Variants in DIS3L2 observed in about 807,000 individuals in gnomAD.
DIS3L2 encodes DIS3-like exonuclease 2.
Under a neutral mutation model 97.5 loss-of-function variants are expected in DIS3L2, and 34 were observed. The observed-to-expected ratio is 0.35, with a 90% CI of 0.27 to 0.46. The LOEUF (loss-of-function observed/expected upper bound fraction) is 0.46, where lower values mean the gene tolerates loss of function less well. DIS3L2 is among the 20% of genes least tolerant of loss of function. The pLI, the probability that DIS3L2 is intolerant of heterozygous loss-of-function variation, is 1.00. For synonymous variants in DIS3L2, 435 were observed against 445.2 expected (o/e 0.98, Z 0.29); for missense variants, 1,038 against 1,146.0 (o/e 0.91, Z 1.36).
chr2:232,146,256 C>T (rs181873399), intron 8 of DIS3L2, among the ~76,000 whole-genome samples: 1 of 152,102 alleles, frequency 6.6e-6, no homozygotes, highest in Non-Finnish European at 1.5e-5. Flanking sequence ...ATGATGCCAA[C>T]AGTACTAAGA....
chr2:232,095,355 C>A (rs1201106051), intron 6 of DIS3L2, among the ~76,000 whole-genome samples: 4 of 152,112 alleles, frequency 2.6e-5, no homozygotes, highest in African/African-American at 9.7e-5. Flanking sequence ...ATCAGTATTA[C>A]AGATGCTATC....
At position 232,249,319 on chromosome 2, in the gene DIS3L2, G is replaced by C. The variant is rs762018625; in HGVS notation, c.1398G>C (p.Val466=). ...NPMSDKLTFS[V]IWTLTPEGKI... is the part of the protein sequence containing the mutation. The stretch of plus-strand genomic sequence containing the variant: ...TGTCCGACAAGCTGACCTTCTCTGT[G>C]ATCTGGACACTGACTCCAGAGGGCA... The change falls in exon 12 of 21, where the codon GTG becomes GTC. Residue 466 remains valine (V), a synonymous_variant. Coordinates refer to ENST00000325385, the MANE Select transcript of DIS3L2 (RefSeq NM_152383.5). The C allele has an allele frequency of 5.0e-6, 8 of 1,614,224 alleles. No homozygotes were observed. The Admixed American group carries it at 1.0e-4, about 20-fold the overall frequency.
intron 8 of DIS3L2, among the ~76,000 whole-genome samples, chr2:232,157,289 G>A (rs989458777): frequency 6.6e-6 from 1 of 152,108 alleles, no homozygotes; most frequent in Admixed American, 6.5e-5. Flanking sequence ...ATATTGAAAG[G>A]CCTGACTCCT....
At chr2:231,981,598 T>TTATATATATATATATATATATATA (rs10669283) in intron 1 of DIS3L2, among the ~76,000 whole-genome samples, 2 of 84,056 alleles carry the variant, frequency 2.4e-5, no homozygotes, top group Non-Finnish European at 4.6e-5. Flanking sequence ...GTTAAGTATT[T>TTATATATATATATATATATATATA]TATATATATA....
chr2:232,342,777 G>A (rs961931356), intron 13 of DIS3L2, among the ~76,000 whole-genome samples: 1 of 152,202 alleles, frequency 6.6e-6, no homozygotes, highest in Admixed American at 6.5e-5. Flanking sequence ...GCTCATGTGT[G>A]AGCCCAGGCT....
At chr2:232,329,788 C>CAT in intron 14 of DIS3L2, 25 bp from the exon 15 acceptor site, 1 of 1,080,634 alleles carries the variant, frequency 9.3e-7, no homozygotes, top group Non-Finnish European at 1.3e-6. Context: ...CCAGCGGTCC[C>CAT]TCCCATCCCA....
At chr2:232,228,043 C>T (rs760962387) in intron 10 of DIS3L2, among the ~76,000 whole-genome samples, 6 of 152,242 alleles carry the variant, frequency 3.9e-5, no homozygotes, top group South Asian at 2.1e-4. Context: ...TCTTGGCTTA[C>T]GGCAACCTCC....
At chr2:232,148,856 C>T (rs988357531) in intron 8 of DIS3L2, among the ~76,000 whole-genome samples, 27 of 133,366 alleles carry the variant, frequency 2.0e-4, no homozygotes, top group African/African-American at 7.6e-4. Flanking sequence ...TTAAAACTAA[C>T]AGCTAGAAAT....
intron 5 of DIS3L2, among the ~76,000 whole-genome samples, chr2:232,039,436 G>A (rs753939341): frequency 5.9e-5 from 9 of 152,086 alleles, no homozygotes; most frequent in South Asian, 2.1e-4. Flanking sequence ...TCTGCTTGTC[G>A]TGCTCACTCC....
At chr2:232,318,310 G>C (rs1307910376) in intron 14 of DIS3L2, among the ~76,000 whole-genome samples, 1 of 152,272 alleles carries the variant, frequency 6.6e-6, no homozygotes, top group Non-Finnish European at 1.5e-5. Flanking sequence ...AGAGTTCATG[G>C]AAGGGCGCTG....
At chr2:232,342,955 C>T (rs956890316) in intron 13 of DIS3L2, among the ~76,000 whole-genome samples, 1 of 150,728 alleles carries the variant, frequency 6.6e-6, no homozygotes, top group Non-Finnish European at 1.5e-5. Flanking sequence ...GTTCATGGGT[C>T]GAAATCACAG....
chr2:232,188,921 T>G (rs1267474689), intron 9 of DIS3L2, among the ~76,000 whole-genome samples: 1 of 152,086 alleles, frequency 6.6e-6, no homozygotes, highest in African/African-American at 2.4e-5. Flanking sequence ...ACAGAAGACA[T>G]ACACTGAAGA....
intron 5 of DIS3L2, among the ~76,000 whole-genome samples, chr2:232,041,346 G>A (rs904921014): frequency 1.3e-5 from 2 of 152,154 alleles, no homozygotes; most frequent in African/African-American, 2.4e-5. Flanking sequence ...TCAAAAGGCA[G>A]GTAGGCAGTT....
intron 5 of DIS3L2, among the ~76,000 whole-genome samples, chr2:232,034,996 A>G (rs1046904086): frequency 3.3e-5 from 5 of 152,178 alleles, no homozygotes; most frequent in African/African-American, 1.2e-4. Flanking sequence ...CTTGATCCAG[A>G]GCTGAGTTCA....
In DIS3L2 at chr2:232,335,887, C is replaced by G. The variant is rs1695927863; in HGVS notation, c.2496+13C>G. The G allele has an allele frequency of 6.5e-7, 1 of 1,550,136 alleles. No individual in the cohort carries two copies. The highest frequency in any genetic ancestry group is 8.7e-7 in the Non-Finnish European group (1 of 1,146,930). On this transcript the variant is annotated intron_variant, in intron 20 of 20. Transcript: ENST00000325385. ...GCCAGCACAGCAGGTCAGAACCCCT[C>G]TGTGTCCCAGCCCCCTAAGTCCTGA...
intron 8 of DIS3L2, among the ~76,000 whole-genome samples, chr2:232,141,377 A>T (rs370957860): frequency 1.6e-4 from 25 of 152,184 alleles, no homozygotes; most frequent in East Asian, 1.3e-3. Context: ...TCTTGGCAAC[A>T]CTGAAGGCTA....
At chr2:231,975,829 G>A (rs182448729) in intron 1 of DIS3L2, among the ~76,000 whole-genome samples, 1 of 151,908 alleles carries the variant, frequency 6.6e-6, no homozygotes, top group Non-Finnish European at 1.5e-5. Context: ...AGCTCCCTTA[G>A]AGGCCCTGGA....
intron 9 of DIS3L2, among the ~76,000 whole-genome samples, chr2:232,182,917 C>T (rs1424826315): frequency 6.6e-6 from 1 of 152,156 alleles, no homozygotes; most frequent in African/African-American, 2.4e-5. Context: ...TGTTCATTTT[C>T]TGACTTTTTT....
chr2:232,048,236 T>G (rs1025334871), intron 5 of DIS3L2, among the ~76,000 whole-genome samples: 2 of 152,350 alleles, frequency 1.3e-5, no homozygotes, highest in Middle Eastern at 3.4e-3. Context: ...TTACTTGTTT[T>G]CTTTGGCATT....
Sources: allele counts gnomAD v4.1 joint callset (sites outside exome capture counted in the v4.1 genomes callset), GRCh38; gene constraint gnomAD v4.1.1; transcripts MANE v1.5; gene names NCBI Gene and HGNC (gene_info 2026-07-23, HGNC 2026-07-21).